CSMD1: variants seen among roughly 807,000 people sequenced by gnomAD.
CSMD1 encodes CUB and Sushi multiple domains 1, also known as CUB and sushi domain-containing protein 1.
In CSMD1, 213 loss-of-function variants were observed where a neutral mutation model predicts 417.5. The observed-to-expected ratio is 0.51, with a 90% confidence interval of 0.46 to 0.57. CSMD1 has a LOEUF of 0.57. Ranked by LOEUF, CSMD1 falls within the 20% of genes least tolerant of loss-of-function variation. The pLI is 0.00. For missense variants in CSMD1, 6,923 were observed against 4,529.7 expected (o/e 1.53, Z -15.17); for synonymous variants, 2,862 against 1,736.8 (o/e 1.65, Z -16.11).
intron 3 of CSMD1, among the ~76,000 whole-genome samples, chr8:4,238,011 C>A (rs190701711): frequency 6.6e-6 from 1 of 152,236 alleles, no homozygotes; most frequent in South Asian, 2.1e-4. Flanking sequence ...CTGGGCGGGA[C>A]GAACCACATC....
chr8:4,039,324 G>A (rs995275401), intron 3 of CSMD1, among the ~76,000 whole-genome samples: 1 of 152,140 alleles, frequency 6.6e-6, no homozygotes, highest in African/African-American at 2.4e-5. Context: ...TATCAAATGT[G>A]TTTGTTTTGG....
At chr8:4,078,916 T>C (rs1209615046) in intron 3 of CSMD1, among the ~76,000 whole-genome samples, 1 of 28,226 alleles carries the variant, frequency 3.5e-5, no homozygotes, top group Non-Finnish European at 1.0e-4. Flanking sequence ...TATATATATA[T>C]ATATATATAT....
At chr8:4,492,060 C>A (rs936194686) in intron 2 of CSMD1, among the ~76,000 whole-genome samples, 15 of 152,048 alleles carry the variant, frequency 9.9e-5, no homozygotes, top group African/African-American at 3.6e-4. Context: ...AAGAAACGAC[C>A]TGTCAAGACA....
chr8:3,860,328 C>A (rs2930352), intron 5 of CSMD1, among the ~76,000 whole-genome samples: 1 of 151,946 alleles, frequency 6.6e-6, no homozygotes, highest in Admixed American at 6.6e-5. Flanking sequence ...AATTTCAACA[C>A]AGCCAGCAAG....
At chr8:3,707,702 C>A (rs1801250750) in intron 7 of CSMD1, among the ~76,000 whole-genome samples, 1 of 152,182 alleles carries the variant, frequency 6.6e-6, no homozygotes, top group African/African-American at 2.4e-5. Flanking sequence ...CATAGTGAGT[C>A]TCCAAGGAGC....
intron 42 of CSMD1, among the ~76,000 whole-genome samples, chr8:3,110,546 T>A (rs1427230253): frequency 2.0e-5 from 3 of 152,250 alleles, no homozygotes; most frequent in African/African-American, 7.2e-5. Flanking sequence ...ATCTCAGTTT[T>A]ATTTAATATA....
intron 52 of CSMD1, among the ~76,000 whole-genome samples, chr8:3,001,838 G>T (rs1168831409): frequency 2.0e-5 from 3 of 152,138 alleles, no homozygotes; most frequent in African/African-American, 4.8e-5. Flanking sequence ...TGCACACCCA[G>T]ATTTGAGAAA....
chr8:4,721,361 G>A (rs552952402), intron 1 of CSMD1, among the ~76,000 whole-genome samples: 1 of 152,090 alleles, frequency 6.6e-6, no homozygotes. Flanking sequence ...ACTGCCTAGT[G>A]ATAGACAAGT....
intron 2 of CSMD1, among the ~76,000 whole-genome samples, chr8:4,489,693 G>A (rs1321074717): frequency 1.3e-5 from 2 of 152,192 alleles, no homozygotes; most frequent in African/African-American, 4.8e-5. Context: ...TCTGGCAGGT[G>A]AGATTGCAGC....
chr8:3,881,404 G>C (rs1398395270), intron 5 of CSMD1, among the ~76,000 whole-genome samples: 1 of 151,406 alleles, frequency 6.6e-6, no homozygotes, highest in Non-Finnish European at 1.5e-5. Flanking sequence ...GGGAGGCCGA[G>C]GCAGGCAGAT....
At chr8:4,434,319 T>G (rs145219529) in intron 2 of CSMD1, among the ~76,000 whole-genome samples, 1 of 152,128 alleles carries the variant, frequency 6.6e-6, no homozygotes, top group African/African-American at 2.4e-5. Context: ...TGAGCTGAGA[T>G]TGCACCATTA....
At chr8:3,294,522 C>T (rs137962113) in intron 25 of CSMD1, among the ~76,000 whole-genome samples, 40,716 of 151,968 alleles carry the variant, frequency 0.27, 6,384 homozygotes, top group South Asian at 0.46. Context: ...TTGGCAATGG[C>T]GGGCGCCCCT....
intron 18 of CSMD1, among the ~76,000 whole-genome samples, chr8:3,372,535 C>T (rs937649780): frequency 6.6e-6 from 1 of 152,122 alleles, no homozygotes; most frequent in Admixed American, 6.6e-5. Context: ...CTGAACCTGC[C>T]TGTGTCCTGA....
chr8:4,765,202 T>C (rs1812385340), intron 1 of CSMD1, among the ~76,000 whole-genome samples: 1 of 151,882 alleles, frequency 6.6e-6, no homozygotes, highest in African/African-American at 2.4e-5. Flanking sequence ...TTCCGTCTCA[T>C]AAAAAAAATG....
chr8:4,020,261 C>A lies in CSMD1; in HGVS notation c.610+11644G>T, dbSNP rs1007368870. On this transcript the variant is annotated intron_variant, in intron 4 of 69. Transcript: ENST00000635120. ...AAGACACACAGTGTCCAATTGACAG[C>A]ACTGGGATTTGCCCCAGGTGACCAG... Among the ~76,000 whole-genome samples, 11 of 152,190 alleles carry A rather than the reference C, an allele frequency of 7.2e-5. 1 individual carries two copies. Among genetic ancestry groups the A allele is most frequent in the African/African-American group, 2.7e-4 (11 of 41,448 alleles).
At chr8:3,934,022 C>G (rs1023252973) in intron 5 of CSMD1, among the ~76,000 whole-genome samples, 5 of 151,632 alleles carry the variant, frequency 3.3e-5, no homozygotes, top group African/African-American at 1.2e-4. Flanking sequence ...CCTGAATCCA[C>G]AATGAGTAGG....
intron 3 of CSMD1, among the ~76,000 whole-genome samples, chr8:4,095,687 T>C (rs996798700): frequency 4.6e-5 from 7 of 152,224 alleles, no homozygotes; most frequent in African/African-American, 1.7e-4. Flanking sequence ...ATTAAAAGGT[T>C]ATAGAAGCTA....
chr8:4,232,419 G>T (rs1157218309), intron 3 of CSMD1, among the ~76,000 whole-genome samples: 1 of 152,078 alleles, frequency 6.6e-6, no homozygotes, highest in Non-Finnish European at 1.5e-5. Context: ...GCTTGGTCTT[G>T]AACTCCTGAC....
intron 3 of CSMD1, among the ~76,000 whole-genome samples, chr8:4,404,043 C>G (rs1375144878): frequency 1.3e-5 from 2 of 152,134 alleles, no homozygotes; most frequent in Admixed American, 6.5e-5. Context: ...TACATCCAGA[C>G]TTATCCAAAA....
Sources: allele counts gnomAD v4.1 joint callset (sites outside exome capture counted in the v4.1 genomes callset), GRCh38; gene constraint gnomAD v4.1.1; transcripts MANE v1.5; gene names NCBI Gene and HGNC (gene_info 2026-07-23, HGNC 2026-07-21).